The following CNGA3 variants were observed in gnomAD, a reference collection of about 807,000 sequenced individuals.
The protein encoded by CNGA3 is cyclic nucleotide-gated channel alpha-3.
In CNGA3, 42 loss-of-function variants were observed where a neutral mutation model predicts 46.6. The observed-to-expected ratio is 0.90, with a 90% CI of 0.70 to 1.17. CNGA3 has a LOEUF of 1.17. Among genes scored for constraint, CNGA3 ranks in the 50% most tolerant of loss-of-function variants. The pLI is 0.00. For missense variants in CNGA3, 893 were observed against 890.7 expected (o/e 1.00, Z -0.03); for synonymous variants, 394 against 369.4 (o/e 1.07, Z -0.76).
At chr2:98,380,626 G>A (rs143981756) in intron 4 of CNGA3, among the ~76,000 whole-genome samples, 82 of 152,230 alleles carry the variant, frequency 5.4e-4, no homozygotes, top group African/African-American at 1.9e-3. Flanking sequence ...CAGGGGTCCT[G>A]TTAGGGTCCC....
intron 1 of CNGA3, among the ~76,000 whole-genome samples, chr2:98,361,193 A>C (rs1692025131): frequency 6.6e-6 from 1 of 152,092 alleles, no homozygotes; most frequent in Non-Finnish European, 1.5e-5. Flanking sequence ...CCACCCCTGG[A>C]GAGGCCCCAG....
intron 1 of CNGA3, among the ~76,000 whole-genome samples, chr2:98,353,993 A>G (rs1370267010): frequency 6.6e-6 from 1 of 152,224 alleles, no homozygotes; most frequent in Non-Finnish European, 1.5e-5. Context: ...ACTATGAGCC[A>G]ATTACTCCCA....
rs923842843 is a variant in CNGA3 at position 98,391,903 on chromosome 2, G to A, written c.606G>A (p.Leu202=). ...AGCTGCAGTCCGAGTACCTGATGCTGTGGCTGGTCCTGGACTACTCGGCAG... is the reference window on the plus strand; with the variant it reads ...AGCTGCAGTCCGAGTACCTGATGCTATGGCTGGTCCTGGACTACTCGGCAG... ...FDELQSEYLM[L]WLVLDYSADV... is the part of the protein sequence containing the mutation. Residue 202 remains leucine (L), a synonymous_variant, in exon 7 of 8, where the codon CTG becomes CTA. Coordinates refer to ENST00000272602, the MANE Select transcript of CNGA3 (RefSeq NM_001298.3). The A allele has an allele frequency of 6.2e-7, 1 of 1,614,228 alleles. No homozygotes were observed. Among genetic ancestry groups the A allele is most frequent in the Non-Finnish European group, 8.5e-7 (1 of 1,180,038 alleles).
At chr2:98,374,801 G>T (rs62156346) in intron 2 of CNGA3, among the ~76,000 whole-genome samples, 1 of 152,192 alleles carries the variant, frequency 6.6e-6, no homozygotes, top group Non-Finnish European at 1.5e-5. Flanking sequence ...CATTGAGAAG[G>T]AAGTGGGGCA....
Position 98,389,751 on chromosome 2 carries a change from T to C in CNGA3, c.543T>C (p.Tyr181=), listed in dbSNP as rs374388772. 6.2e-7 allele frequency: 1 copy of C among 1,613,288 alleles called. No individual in the cohort carries two copies. The highest frequency in any genetic ancestry group is 8.5e-7 in the Non-Finnish European group (1 of 1,179,980). ...WLTAIALPVF[Y]NWYLLICRAC... ...CCGCCATCGCCCTGCCTGTCTTCTA[T>C]AACTGGTATCTGCTTATTTGCAGGT... Residue 181 remains tyrosine, a synonymous_variant, in exon 6 of 8, where the codon TAT becomes TAC. Transcript: ENST00000272602.
chr2:98,369,983 A>G lies in CNGA3; in HGVS notation c.8A>G (p.Lys3Arg), dbSNP rs1558808351. 1.2e-6 allele frequency: 2 copies of G among 1,613,854 alleles called. No homozygotes were observed. The highest frequency in any genetic ancestry group is 8.5e-7 in the Non-Finnish European group (1 of 1,179,860). The change falls in exon 2 of 8, where the codon AAG (lysine) becomes AGG (arginine). Residue 3 changes from lysine to arginine, a missense_variant. Transcript: ENST00000272602. ...ATGTGACAAACCGAGAAGATGGCCA[A>G]GATCAACACCCAATACTCCCACCCC... MA[K>R]INTQYSHPSR...
At chr2:98,378,019 A>G (rs1441633324) in intron 3 of CNGA3, 1 of 1,542,582 alleles carries the variant, frequency 6.5e-7, no homozygotes. Context: ...CTTTATCTGA[A>G]ATTGCTTAAT....
At chr2:98,360,920 T>C in intron 1 of CNGA3, among the ~76,000 whole-genome samples, 1 of 152,204 alleles carries the variant, frequency 6.6e-6, no homozygotes, top group East Asian at 1.9e-4. Flanking sequence ...GCACATTGAC[T>C]GGAATAAAAT....
chr2:98,349,678 C>T (rs560749239), intron 1 of CNGA3, among the ~76,000 whole-genome samples: 1 of 152,312 alleles, frequency 6.6e-6, no homozygotes, highest in South Asian at 2.1e-4. Context: ...CAGAAGCAAC[C>T]TCTGTTCTGA....
chr2:98,358,958 T>C (rs1558804021), intron 1 of CNGA3, among the ~76,000 whole-genome samples: 1 of 152,208 alleles, frequency 6.6e-6, no homozygotes, highest in Non-Finnish European at 1.5e-5. Context: ...TTAAAGATTC[T>C]CTTAGCAGTG....
At chr2:98,349,403 G>A (rs1691725426) in intron 1 of CNGA3, among the ~76,000 whole-genome samples, 1 of 152,210 alleles carries the variant, frequency 6.6e-6, no homozygotes, top group African/African-American at 2.4e-5. Flanking sequence ...ACTGCGTGCT[G>A]GAGAAAATAG....
At chr2:98,384,876 C>T (rs951484830) in intron 5 of CNGA3, among the ~76,000 whole-genome samples, 8 of 152,122 alleles carry the variant, frequency 5.3e-5, no homozygotes, top group African/African-American at 1.9e-4. Flanking sequence ...AAGCCAAGGA[C>T]CAAGGGACAA....
chr2:98,376,467 G>T (rs181266939), intron 2 of CNGA3, among the ~76,000 whole-genome samples: 5 of 152,268 alleles, frequency 3.3e-5, no homozygotes, highest in African/African-American at 4.8e-5. Flanking sequence ...CTCAATGTGG[G>T]GAGGCTGAGA....
intron 5 of CNGA3, among the ~76,000 whole-genome samples, chr2:98,385,848 C>T (rs1199850285): frequency 6.6e-6 from 1 of 152,056 alleles, no homozygotes; most frequent in African/African-American, 2.4e-5. Context: ...TCTCAAACGG[C>T]AGGAGCAGGA....
At chr2:98,366,543 C>T (rs953914809) in intron 1 of CNGA3, among the ~76,000 whole-genome samples, 4 of 152,226 alleles carry the variant, frequency 2.6e-5, no homozygotes, top group Non-Finnish European at 5.9e-5. Context: ...AGCCCCTCCC[C>T]GCAAGGGGCT....
chr2:98,388,363 G>A (rs1389883646), intron 5 of CNGA3, among the ~76,000 whole-genome samples: 2 of 152,208 alleles, frequency 1.3e-5, no homozygotes, highest in East Asian at 3.8e-4. Context: ...CTAAAGACGG[G>A]GTGCCATGGT....
intron 3 of CNGA3, 35 bp from the exon 4 acceptor site, chr2:98,380,140 T>C (rs1202042144): frequency 6.2e-6 from 10 of 1,612,408 alleles, no homozygotes; most frequent in African/African-American, 1.3e-5. Context: ...GGGCTTTTCC[T>C]CTCCCTCTGG....
At chr2:98,391,208 G>A (rs531557471) in intron 6 of CNGA3, among the ~76,000 whole-genome samples, 26 of 152,352 alleles carry the variant, frequency 1.7e-4, no homozygotes, top group South Asian at 4.1e-4. Flanking sequence ...GTGAAAACTG[G>A]AAGAACTTGG....
At chr2:98,372,010 C>T (rs1337683664) in intron 2 of CNGA3, among the ~76,000 whole-genome samples, 1 of 152,198 alleles carries the variant, frequency 6.6e-6, no homozygotes, top group East Asian at 1.9e-4. Flanking sequence ...TGGGGCATGA[C>T]CCAAGCATGT....
Sources: gnomAD v4.1 joint callset for allele counts (sites outside exome capture counted in the v4.1 genomes callset) on GRCh38, gnomAD v4.1.1 for gene constraint, MANE v1.5 for transcripts, NCBI Gene and HGNC (gene_info 2026-07-23, HGNC 2026-07-21) for gene names.